Variants in DNAI4 observed in about 807,000 individuals in gnomAD.
The protein encoded by DNAI4 is WD repeat domain 78.
Under a neutral mutation model 105.8 loss-of-function variants are expected in DNAI4, and 85 were observed. That is an observed-to-expected ratio of 0.80 (90% CI 0.67 to 0.96). DNAI4 has a LOEUF of 0.96. DNAI4 is among the 40% of genes least tolerant of loss of function. The probability of loss-of-function intolerance (pLI) is 0.00; values close to 1 mark genes in which losing one functional copy is unlikely to be tolerated. For synonymous variants in DNAI4, 352 were observed against 331.5 expected, an observed-to-expected ratio of 1.06 and a Z score of -0.67; for missense variants, 1,014 against 1,005.6, an observed-to-expected ratio of 1.01 and a Z score of -0.11.
At chr1:66,826,772 G>C (rs1230597884) in intron 15 of DNAI4, 48 bp downstream of exon 15, 2 of 1,562,394 alleles carry the variant, frequency 1.3e-6, no homozygotes, top group Admixed American at 3.5e-5. Flanking sequence ...GTATCACTTA[G>C]TTTGAACTGC....
chr1:66,866,737 G>A (rs186886952), intron 6 of DNAI4, among the ~76,000 whole-genome samples: 15 of 152,208 alleles, frequency 9.9e-5, no homozygotes, highest in Non-Finnish European at 1.9e-4. Flanking sequence ...ACATTTGGTT[G>A]GATGTAGTAT....
In DNAI4 at chr1:66,827,874, G is replaced by T; in HGVS notation, c.2050C>A (p.His684Asn). Residue 684 changes from histidine to asparagine, a missense_variant, in exon 14 of 17, where the codon CAT becomes AAT. Physicochemically the swap from His to Asn is moderately conservative, Grantham distance 68 (BLOSUM62 1). Transcript: ENST00000371026. ...TATGAACAAGAACATTTGTGAATAT[G>T]ACCTTCTTCAGTGCCAGCCAAATAG... is the stretch of plus-strand genomic sequence containing the variant. ...NIYLAGTEEGHIHKCSCSYNE... is the reference protein window; with the variant it reads ...NIYLAGTEEGNIHKCSCSYNE... 2 of 1,607,556 alleles carry T rather than the reference G, an allele frequency of 1.2e-6. No individual in the cohort carries two copies. The highest frequency in any genetic ancestry group is 1.1e-5 in the South Asian group (1 of 89,848).
chr1:66,859,228 G>T (rs1201699342), intron 7 of DNAI4, among the ~76,000 whole-genome samples: 1 of 152,052 alleles, frequency 6.6e-6, no homozygotes, highest in African/African-American at 2.4e-5. Context: ...ACATTAGGGG[G>T]TTGTAAATTA....
rs774095157 is a variant in DNAI4 at position 66,827,795 on chromosome 1, A to T, written c.2112+17T>A. ...AAATACAAAATAAATGTTCCAACCT[A>T]CTATAATTAAACTAACCTTATGTCC... On this transcript the variant is annotated intron_variant, in intron 14 of 16. Coordinates refer to ENST00000371026, the MANE Select transcript of DNAI4 (RefSeq NM_024763.5). The T allele has an allele frequency of 2.6e-5, 36 of 1,409,504 alleles. 1 individual carries two copies. The highest frequency in any genetic ancestry group is 4.2e-4 in the Middle Eastern group (2 of 4,728). 87.3% of individuals were successfully genotyped at this position (1,409,504 alleles called of 1,614,324 possible). A position where few individuals can be genotyped will look rare whatever the true frequency, so the allele number is the denominator to read the frequency against.
intron 7 of DNAI4, among the ~76,000 whole-genome samples, chr1:66,849,254 T>C (rs1646343552): frequency 1.3e-5 from 2 of 152,170 alleles, no homozygotes; most frequent in Non-Finnish European, 2.9e-5. Context: ...TGAAGCATTC[T>C]TATATCTCCT....
At position 66,813,945 on chromosome 1, in the gene DNAI4, A is replaced by C. The variant is rs112990923; in HGVS notation, c.*185T>G. 1.5e-4 allele frequency: 74 copies of C among 487,524 alleles called. No homozygotes were observed. Among genetic ancestry groups the C allele is most frequent in the African/African-American group, 1.4e-3 (68 of 50,344 alleles). The allele number at this position is 487,524 out of a possible 1,614,324, so 30.2% of individuals were successfully genotyped here. A position where few individuals can be genotyped will look rare whatever the true frequency, so the allele number is the denominator to read the frequency against. ...AATTCCACTGAAACTCTTAAGAATAACTCTTAGATTGTAAACTAATCAAAT... is the reference window on the plus strand; with the variant it reads ...AATTCCACTGAAACTCTTAAGAATACCTCTTAGATTGTAAACTAATCAAAT... On this transcript the variant is annotated 3_prime_UTR_variant, in exon 17 of 17. Coordinates refer to ENST00000371026, the MANE Select transcript of DNAI4 (RefSeq NM_024763.5).
At chr1:66,906,700 C>T (rs1307750484) in intron 1 of DNAI4, among the ~76,000 whole-genome samples, 1 of 152,032 alleles carries the variant, frequency 6.6e-6, no homozygotes, top group African/African-American at 2.4e-5. Flanking sequence ...TCCATTTGTG[C>T]ACTATTTCAA....
chr1:66,908,064 C>G (rs1167703365), intron 1 of DNAI4, among the ~76,000 whole-genome samples: 1 of 152,074 alleles, frequency 6.6e-6, no homozygotes, highest in East Asian at 1.9e-4. Context: ...CTTACCATAC[C>G]TTTCCCTTCA....
intron 9 of DNAI4, among the ~76,000 whole-genome samples, chr1:66,840,216 C>G (rs1646120201): frequency 6.6e-6 from 1 of 151,990 alleles, no homozygotes; most frequent in Non-Finnish European, 1.5e-5. Flanking sequence ...TCAAGTATAT[C>G]CCCTAAAATA....
At chr1:66,882,981 T>C (rs1175278101) in intron 4 of DNAI4, among the ~76,000 whole-genome samples, 2 of 152,116 alleles carry the variant, frequency 1.3e-5, no homozygotes, top group East Asian at 3.9e-4. Context: ...TGAGGCTTTC[T>C]GTGTATAGAT....
chr1:66,891,730 C>T (rs534624805), intron 3 of DNAI4, among the ~76,000 whole-genome samples: 11 of 152,326 alleles, frequency 7.2e-5, no homozygotes, highest in South Asian at 2.1e-4. Flanking sequence ...TCCCAAAGTG[C>T]TGTGATTACA....
At chr1:66,884,041 T>C (rs1252926745) in intron 4 of DNAI4, among the ~76,000 whole-genome samples, 1 of 152,204 alleles carries the variant, frequency 6.6e-6, no homozygotes, top group African/African-American at 2.4e-5. Flanking sequence ...ATGAGATCAA[T>C]TGTCTTAGAT....
intron 1 of DNAI4, among the ~76,000 whole-genome samples, chr1:66,914,115 AT>A (rs1283122343): frequency 2.6e-5 from 4 of 152,150 alleles, no homozygotes; most frequent in Non-Finnish European, 5.9e-5. Context: ...TAGAAAAAAA[AT>A]AAAAATAAAA....
intron 7 of DNAI4, among the ~76,000 whole-genome samples, chr1:66,858,203 G>A (rs1335478938): frequency 6.6e-6 from 1 of 151,962 alleles, no homozygotes; most frequent in African/African-American, 2.4e-5. Flanking sequence ...TTATAAGAAA[G>A]GAAAATTACA....
Position 66,833,619 on chromosome 1 carries a change from T to G in DNAI4, c.1979A>C (p.Gln660Pro), listed in dbSNP as rs201361281. 29 of 1,613,324 alleles carry G rather than the reference T, an allele frequency of 1.8e-5. No individual in the cohort carries two copies. The highest frequency in any genetic ancestry group is 8.3e-5 in the Admixed American group (5 of 59,914). ...EKKDEALISR[Q>P]APGMCFAFHP... ...AAAAGCAAAACACATTCCAGGAGCC[T>G]GTCGAGATATCAAAGCTTCATCTTT... The change falls in exon 13 of 17, where the codon CAG becomes CCG. Residue 660 changes from glutamine to proline, a missense_variant. Transcript: ENST00000371026.
At position 66,890,866 on chromosome 1, in the gene DNAI4, G is replaced by GGACGAA; in HGVS notation, c.643+287_643+288insTTCGTC. 1 of 419,942 alleles carries GGACGAA rather than the reference G, an allele frequency of 2.4e-6. No homozygotes were observed. Among genetic ancestry groups the GGACGAA allele is most frequent in the Non-Finnish European group, 4.3e-6 (1 of 232,380 alleles). The allele number at this position is 419,942 out of a possible 1,614,324, so 26.0% of individuals were successfully genotyped here. On this transcript the variant is annotated intron_variant, in intron 4 of 16. Coordinates refer to ENST00000371026, the MANE Select transcript of DNAI4 (RefSeq NM_024763.5). The surrounding 1 kb of genome is among the most constrained non-coding windows in gnomAD (Gnocchi z 4.1). The stretch of plus-strand genomic sequence containing the variant: ...AGGAAGAGGAAGAAGAAGAGGAAGA[G>GGACGAA]GAAGAAGAAGAAGAAGAAGCAGAAG...
chr1:66,828,273 T>C (rs1003999370), intron 13 of DNAI4: 1 of 154,140 alleles, frequency 6.5e-6, no homozygotes, highest in African/African-American at 2.4e-5. Flanking sequence ...TGCTCTTTCA[T>C]TACAACTATT....
rs772048720 is a variant in DNAI4 at position 66,924,709 on chromosome 1, G to A, written c.123C>T (p.Thr41=). ...GWCTTPQLVA[T]MPVSPAGSHK... is the part of the protein sequence containing the mutation. ...GACTGCCTGCCGGAGAGACTGGCAT[G>A]GTGGCGACCAGCTGGGGAGTGGTGC... Residue 41 remains threonine (T), a synonymous_variant, in exon 1 of 17, where the codon ACC becomes ACT. Coordinates refer to ENST00000371026, the MANE Select transcript of DNAI4 (RefSeq NM_024763.5). 1.9e-6 allele frequency: 3 copies of A among 1,614,238 alleles called. No homozygotes were observed. Among genetic ancestry groups the A allele is most frequent in the East Asian group, 4.5e-5 (2 of 44,880 alleles).
intron 1 of DNAI4, among the ~76,000 whole-genome samples, chr1:66,913,855 ACCTGTAGTCCCAG>A (rs1649852190): frequency 6.6e-6 from 1 of 151,818 alleles, no homozygotes; most frequent in African/African-American, 2.4e-5. Flanking sequence ...GGTGGCGGGC[ACCTGTAGTCCCAG>A]CTACTCGGGA....
Sources: allele counts gnomAD v4.1 joint callset (sites outside exome capture counted in the v4.1 genomes callset), GRCh38; gene constraint gnomAD v4.1.1; non-coding constraint Gnocchi (gnomAD v3.1); transcripts MANE v1.5; gene names NCBI Gene and HGNC (gene_info 2026-07-23, HGNC 2026-07-21).